The following USP9X variants were observed in gnomAD, a reference collection of about 807,000 sequenced individuals.
The protein encoded by USP9X is ubiquitin specific peptidase 9 X-linked, also known as ubiquitin carboxyl-terminal hydrolase 9X.
USP9X carries 7 observed loss-of-function variants against 190.3 expected under a neutral mutation model. That is an observed-to-expected ratio of 0.04 (90% CI 0.02 to 0.07). USP9X has a LOEUF of 0.07. Among genes scored for constraint, USP9X ranks in the 10% least tolerant of loss-of-function variants. The pLI, the probability that USP9X is intolerant of heterozygous loss-of-function variation, is 1.00. For missense variants in USP9X, 1,010 were observed against 1,916.9 expected, an observed-to-expected ratio of 0.53 and a Z score of 8.83; for synonymous variants, 645 against 659.5, an observed-to-expected ratio of 0.98 and a Z score of 0.34.
chrX:41,201,789 A>G (rs1423487803), intron 31 of USP9X, among the ~76,000 whole-genome samples: 2 of 111,937 alleles, frequency 1.8e-5, no homozygotes, highest in Admixed American at 9.4e-5. Flanking sequence ...TGGCCAACAT[A>G]GTGAAACCCC....
chrX:41,171,782 T>A, intron 20 of USP9X, 56 bp from the exon 21 acceptor site: 1 of 1,170,888 alleles, frequency 8.5e-7, no homozygotes, highest in Admixed American at 2.2e-5. Context: ...CTTGGGCTTT[T>A]ATAAAACGGG....
chrX:41,126,352 G>A (rs2062251779), intron 2 of USP9X, among the ~76,000 whole-genome samples: 2 of 111,955 alleles, frequency 1.8e-5, no homozygotes, highest in African/African-American at 3.2e-5. Flanking sequence ...TTTTAAAAGC[G>A]TAGTCAGAGG....
chrX:41,225,518 G>C (rs1467059944), intron 41 of USP9X, among the ~76,000 whole-genome samples: 1 of 111,986 alleles, frequency 8.9e-6, no homozygotes, highest in Non-Finnish European at 1.9e-5. Context: ...GTCACATGAA[G>C]TATAATAGTA....
At chrX:41,161,635 CTTTTTTTTTT>C (rs759623425) in intron 14 of USP9X, among the ~76,000 whole-genome samples, 1 of 47,425 alleles carries the variant, frequency 2.1e-5, no homozygotes, top group East Asian at 7.2e-4. Flanking sequence ...GGCGCCCTGC[CTTTTTTTTTT>C]TTTTTTTTTT....
intron 5 of USP9X, among the ~76,000 whole-genome samples, chrX:41,135,426 G>A (rs774101974): frequency 5.0e-4 from 56 of 111,453 alleles, no homozygotes; most frequent in Non-Finnish European, 7.9e-4. Flanking sequence ...AATGTAAAGT[G>A]GTCTCATGTC....
At chrX:41,158,046 T>G (rs1392009414) in intron 14 of USP9X, among the ~76,000 whole-genome samples, 1 of 111,389 alleles carries the variant, frequency 9.0e-6, no homozygotes, top group Non-Finnish European at 1.9e-5. Flanking sequence ...GGCAGAAGAA[T>G]GAATCAGTGA....
chrX:41,205,622 T>G (rs2063084581), intron 32 of USP9X, 129 bp downstream of exon 32: 4 of 595,195 alleles, frequency 6.7e-6, no homozygotes, highest in Non-Finnish European at 9.3e-6. Context: ...AAACTGTCCT[T>G]AATTGGGTGG....
chrX:41,106,797 C>T (rs1186271426), intron 1 of USP9X, among the ~76,000 whole-genome samples: 6 of 109,343 alleles, frequency 5.5e-5, no homozygotes, highest in African/African-American at 2.0e-4. Flanking sequence ...TCCCAAAGTG[C>T]TGGGATTACA....
At chrX:41,207,027 C>T in intron 32 of USP9X, among the ~76,000 whole-genome samples, 1 of 98,551 alleles carries the variant, frequency 1.0e-5, no homozygotes, top group South Asian at 4.7e-4. Flanking sequence ...CTCAGGTGAT[C>T]TGCCTGCCTC....
chrX:41,223,336 T>G lies in USP9X; in HGVS notation c.6685T>G (p.Tyr2229Asp). 2 of 1,211,987 alleles carry G rather than the reference T, an allele frequency of 1.7e-6. No individual in the cohort carries two copies. The highest frequency in any genetic ancestry group is 2.2e-6 in the Non-Finnish European group (2 of 895,502). ...KYQYAELGKL[Y>D]SVVSQLIRCC... ...CCAGTATGCTGAATTAGGCAAATTA[T>G]ACTCAGTAGTGTCACAGCTGATCCG... The change falls in exon 39 of 45, where the codon TAC (tyrosine) becomes GAC (aspartate). Residue 2229 changes from tyrosine (Y) to aspartate (D), a missense_variant. Around this residue, in one of 11 missense-constraint regions of USP9X, gnomAD observed 121 missense variants for 281.2 expected, o/e 0.43. Transcript: ENST00000378308.
chrX:41,207,742 C>CT (rs1464194030), intron 32 of USP9X, among the ~76,000 whole-genome samples: 1 of 111,159 alleles, frequency 9.0e-6, no homozygotes, highest in Non-Finnish European at 1.9e-5. Context: ...GAAGGGTCAC[C>CT]TGATACTCTG....
At chrX:41,184,261 A>G in intron 22 of USP9X, 133 bp downstream of exon 22, 1 of 997,636 alleles carries the variant, frequency 1.0e-6, no homozygotes, top group African/African-American at 1.9e-5. Flanking sequence ...AGTAGTTTTG[A>G]AATGAAATAT....
intron 21 of USP9X, among the ~76,000 whole-genome samples, chrX:41,181,985 G>A (rs1025119400): frequency 1.8e-5 from 2 of 111,796 alleles, no homozygotes; most frequent in African/African-American, 6.5e-5. Flanking sequence ...TATAATCAGG[G>A]ATGAATATGA....
chrX:41,186,170 G>A (rs1163607528), intron 23 of USP9X, among the ~76,000 whole-genome samples: 1 of 110,309 alleles, frequency 9.1e-6, no homozygotes, highest in African/African-American at 3.3e-5. Flanking sequence ...AGCAGGGTCT[G>A]CCCAAGGCAT....
rs73480475 is a variant in USP9X at position 41,226,460 on chromosome X, A to G, written c.7061+1323A>G. Reference sequence around the variant, plus strand: ...TGTTTGGGAAAACAATTCAAAGTCTATGTCGCAGTTTGCCTCCCATCTGCC... The same window carrying G: ...TGTTTGGGAAAACAATTCAAAGTCTGTGTCGCAGTTTGCCTCCCATCTGCC... On this transcript the variant is annotated intron_variant, in intron 41 of 44. Coordinates refer to ENST00000378308, the MANE Select transcript of USP9X (RefSeq NM_001039591.3). 3.6e-3 allele frequency among the ~76,000 whole-genome samples: 407 copies of G among 112,232 alleles called. 2 individuals carry two copies. Among genetic ancestry groups the G allele is most frequent in the African/African-American group, 0.012 (378 of 30,942 alleles).
chrX:41,179,283 A>G (rs766237646), intron 21 of USP9X, among the ~76,000 whole-genome samples: 11 of 111,605 alleles, frequency 9.9e-5, no homozygotes, highest in Admixed American at 5.7e-4. Context: ...TGTTTTTTCT[A>G]TTTCTGTGAA....
Position 41,234,263 on chromosome X carries a change from A to G in USP9X, c.*1739A>G. 1 of 111,870 alleles carries G rather than the reference A, an allele frequency of 8.9e-6. No homozygotes were observed. The highest frequency in any genetic ancestry group is 2.8e-4 in the East Asian group (1 of 3,586). 9.2% of individuals were successfully genotyped at this position (111,870 alleles called of 1,213,427 possible). A position where few individuals can be genotyped will look rare whatever the true frequency, so the allele number is the denominator to read the frequency against. On this transcript the variant is annotated 3_prime_UTR_variant, in exon 45 of 45. Transcript: ENST00000378308. Reference sequence around the variant, plus strand: ...TACTTTTTGTATGTTTTTTATATACATGTATATTTAATGAGCACAAGCTTG... The same window carrying G: ...TACTTTTTGTATGTTTTTTATATACGTGTATATTTAATGAGCACAAGCTTG...
chrX:41,137,120 A>G lies in USP9X; in HGVS notation c.654+98A>G, dbSNP rs190834683. 1.8e-3 allele frequency: 1,461 copies of G among 828,693 alleles called. 5 individuals are homozygous for G. The highest frequency in any genetic ancestry group is 1.3e-3 in the Non-Finnish European group (769 of 591,057). The allele number at this position is 828,693 out of a possible 1,213,427, so 68.3% of individuals were successfully genotyped here. A position where few individuals can be genotyped will look rare whatever the true frequency, so the allele number is the denominator to read the frequency against. ...GTATTTAAAGTGTGACAATGAAATAACACTTTAAATGAAAATACACACAAC... is the reference window on the plus strand; with the variant it reads ...GTATTTAAAGTGTGACAATGAAATAGCACTTTAAATGAAAATACACACAAC... On this transcript the variant is annotated intron_variant, in intron 6 of 44. Coordinates refer to ENST00000378308, the MANE Select transcript of USP9X (RefSeq NM_001039591.3).
At chrX:41,206,294 C>T (rs1275589388) in intron 32 of USP9X, among the ~76,000 whole-genome samples, 1 of 111,792 alleles carries the variant, frequency 8.9e-6, no homozygotes, top group African/African-American at 3.3e-5. Flanking sequence ...ATCATGATAC[C>T]ATTATGTTTT....
Sources: gnomAD v4.1 joint callset for allele counts (sites outside exome capture counted in the v4.1 genomes callset) on GRCh38, gnomAD v4.1.1 for gene constraint, gnomAD v4.1.1 regional missense constraint, MANE v1.5 for transcripts, NCBI Gene and HGNC (gene_info 2026-07-23, HGNC 2026-07-21) for gene names.